PTER: variants seen among roughly 807,000 people sequenced by gnomAD.
PTER encodes the protein N-acetyltaurine hydrolase.
In PTER, 38 loss-of-function variants were observed where a neutral mutation model predicts 29.6. The observed-to-expected ratio is 1.28, with a 90% CI of 0.99 to 1.68. The LOEUF (loss-of-function observed/expected upper bound fraction) is 1.68, where lower values mean the gene tolerates loss of function less well. Ranked by LOEUF, PTER falls within the 40% of genes most tolerant of loss-of-function variation. The pLI is 0.00. For missense variants in PTER, 482 were observed against 427.8 expected (o/e 1.13, Z -1.12); for synonymous variants, 172 against 154.5 (o/e 1.11, Z -0.84).
chr10:16,498,898 G>A (rs1028040859), intron 3 of PTER, among the ~76,000 whole-genome samples: 13 of 152,204 alleles, frequency 8.5e-5, no homozygotes, highest in African/African-American at 1.4e-4. Flanking sequence ...ACATGGGTAA[G>A]TCACCTTGTT....
At chr10:16,501,294 A>C (rs905429968) in intron 3 of PTER, among the ~76,000 whole-genome samples, 1 of 151,306 alleles carries the variant, frequency 6.6e-6, no homozygotes, top group Non-Finnish European at 1.5e-5. Context: ...AGAGGGGGTC[A>C]TATCACTATA....
downstream of PTER, among the ~76,000 whole-genome samples, chr10:16,516,229 G>T (rs1018194655): frequency 1.3e-5 from 2 of 152,148 alleles, no homozygotes; most frequent in Admixed American, 1.3e-4. Flanking sequence ...ATGCTTGGAA[G>T]CACTGACTCC....
chr10:16,503,805 G>A (rs762447571), intron 3 of PTER, among the ~76,000 whole-genome samples: 23 of 152,168 alleles, frequency 1.5e-4, no homozygotes, highest in Non-Finnish European at 2.9e-4. Context: ...CTCACAAACT[G>A]CTGGGATTGA....
chr10:16,514,793 C>T (rs181523620), downstream of PTER: 2 of 971,730 alleles, frequency 2.1e-6, no homozygotes, highest in African/African-American at 1.6e-5. Flanking sequence ...CACAAGCTGA[C>T]TTGCTGCCAT....
chr10:16,441,069 TG>T (rs1352873882), intron 1 of PTER, among the ~76,000 whole-genome samples: 2 of 152,076 alleles, frequency 1.3e-5, no homozygotes, highest in African/African-American at 4.8e-5. Flanking sequence ...TAATCAAGAG[TG>T]GCAAAAATGG....
intron 3 of PTER, among the ~76,000 whole-genome samples, chr10:16,495,523 A>T (rs1836062425): frequency 1.3e-5 from 2 of 152,136 alleles, no homozygotes; most frequent in South Asian, 4.1e-4. Flanking sequence ...GAAATTCAAC[A>T]ATTTTTTCAA....
chr10:16,465,572 A>G (rs1834779700), intron 1 of PTER, among the ~76,000 whole-genome samples: 1 of 152,208 alleles, frequency 6.6e-6, no homozygotes. Flanking sequence ...CAACGAAAAC[A>G]TAGGTTTGCT....
chr10:16,482,570 A>G (rs780622441), intron 1 of PTER, among the ~76,000 whole-genome samples: 52 of 152,306 alleles, frequency 3.4e-4, no homozygotes, highest in South Asian at 1.0e-3. Flanking sequence ...ATGGAAGTCA[A>G]AGAAGGCTTT....
In PTER at chr10:16,452,692, C is replaced by T. The variant is rs548641801; in HGVS notation, c.-49+15645C>T. On this transcript the variant is annotated intron_variant, in intron 1 of 4. Transcript: ENST00000535784. Reference sequence around the variant, plus strand: ...GCTGATGATGATTCTCCTTCTCCTTCTCCTTCTCCTTCCTTTTCCTCTTCC... The same window carrying T: ...GCTGATGATGATTCTCCTTCTCCTTTTCCTTCTCCTTCCTTTTCCTCTTCC... Among the ~76,000 whole-genome samples the T allele has an allele frequency of 9.2e-5, 14 of 151,938 alleles. No individual in the cohort carries two copies. In the South Asian group the frequency reaches 2.9e-3, roughly 32 times the overall value.
intron 1 of PTER, among the ~76,000 whole-genome samples, chr10:16,476,862 A>C (rs1835284671): frequency 7.0e-6 from 1 of 143,528 alleles, no homozygotes; most frequent in South Asian, 2.2e-4. Context: ...TGTGCCTGGC[A>C]TTGGGGTTTT....
chr10:16,478,011 G>A (rs1319778311), intron 1 of PTER, among the ~76,000 whole-genome samples: 1 of 152,170 alleles, frequency 6.6e-6, no homozygotes, highest in Non-Finnish European at 1.5e-5. Context: ...TCTTCATGAA[G>A]AAAAGCAGGT....
intron 1 of PTER, among the ~76,000 whole-genome samples, chr10:16,462,059 C>T (rs1271449315): frequency 2.0e-5 from 3 of 150,790 alleles, no homozygotes; most frequent in South Asian, 2.1e-4. Flanking sequence ...GATCTCAGCT[C>T]GCTGCAACCT....
intron 1 of PTER, among the ~76,000 whole-genome samples, chr10:16,453,187 A>T (rs1270162796): frequency 6.6e-6 from 1 of 152,076 alleles, no homozygotes; most frequent in Non-Finnish European, 1.5e-5. Context: ...AAGTGCTGGG[A>T]TTATAGGCAT....
At chr10:16,461,114 T>C (rs1402465223) in intron 1 of PTER, among the ~76,000 whole-genome samples, 3 of 152,168 alleles carry the variant, frequency 2.0e-5, no homozygotes, top group Non-Finnish European at 4.4e-5. Flanking sequence ...TATAAGTATA[T>C]AGATAAATCA....
At chr10:16,516,176 A>G (rs1181414559), downstream of PTER, among the ~76,000 whole-genome samples, 1 of 152,194 alleles carries the variant, frequency 6.6e-6, no homozygotes, top group African/African-American at 2.4e-5. Context: ...TTAACGCTGT[A>G]CTAACAGGCA....
intron 1 of PTER, among the ~76,000 whole-genome samples, chr10:16,463,562 G>C (rs574753233): frequency 1.2e-3 from 175 of 152,006 alleles, no homozygotes; most frequent in Non-Finnish European, 2.1e-3. Flanking sequence ...ATTACAGGCG[G>C]GTGCCACCAT....
intron 1 of PTER, among the ~76,000 whole-genome samples, chr10:16,477,312 C>CTGTT (rs1190261642): frequency 7.8e-6 from 1 of 127,684 alleles, no homozygotes; most frequent in African/African-American, 3.2e-5. Context: ...GGATGTCTGT[C>CTGTT]TGTCTGCACA....
intron 4 of PTER, among the ~76,000 whole-genome samples, chr10:16,506,781 A>G (rs1318289961): frequency 1.3e-5 from 2 of 151,846 alleles, no homozygotes; most frequent in Non-Finnish European, 2.9e-5. Flanking sequence ...AAAAGAGTGG[A>G]TTTAGGGCAG....
chr10:16,505,236 C>A, intron 4 of PTER, 76 bp downstream of exon 4: 2 of 1,538,164 alleles, frequency 1.3e-6, no homozygotes, highest in South Asian at 1.2e-5. Context: ...GAAGTATTAG[C>A]AAAGATTCAG....
Sources: gnomAD v4.1 joint callset for allele counts (sites outside exome capture counted in the v4.1 genomes callset) on GRCh38, gnomAD v4.1.1 for gene constraint, MANE v1.5 for transcripts, NCBI Gene and HGNC (gene_info 2026-07-23, HGNC 2026-07-21) for gene names.